ATN1: variants seen among roughly 807,000 people sequenced by gnomAD.
ATN1 encodes atrophin-1.
A neutral mutation model predicts 85.8 loss-of-function variants in ATN1; 19 were observed. The observed-to-expected ratio is 0.22, with a 90% CI of 0.15 to 0.32. The LOEUF is 0.32. Among genes scored for constraint, ATN1 ranks in the 10% least tolerant of loss-of-function variants. The probability of loss-of-function intolerance (pLI) is 1.00; values close to 1 mark genes in which losing one functional copy is unlikely to be tolerated. For missense variants in ATN1, 1,453 were observed against 1,564.5 expected (o/e 0.93, Z 1.20); for synonymous variants, 674 against 657.0 (o/e 1.03, Z -0.39).
chr12:6,934,217 C>T lies in ATN1; in HGVS notation c.69C>T (p.Pro23=), dbSNP rs1555143310. ...RSGRKKEAPG[P]REELRSRGRA... The stretch of plus-strand genomic sequence containing the variant: ...GACGGAAGAAAGAGGCCCCTGGGCC[C>T]CGGGAAGAACTGAGATCGAGGGGCC... The change falls in exon 3 of 10, where the codon CCC becomes CCT. Residue 23 remains proline, a synonymous_variant. Transcript: ENST00000396684. This position sits in a 1 kb window ranked among gnomAD's most constrained non-coding sequence, Gnocchi z 4.5. 1.9e-6 allele frequency: 3 copies of T among 1,594,900 alleles called. No homozygotes were observed. In the Admixed American group the frequency reaches 5.7e-5, roughly 30 times the overall value.
chr12:6,935,988 G>T lies in ATN1; in HGVS notation c.721G>T (p.Ala241Ser). The T allele has an allele frequency of 6.3e-7, 1 of 1,587,594 alleles. No individual in the cohort carries two copies. The highest frequency in any genetic ancestry group is 1.8e-5 in the Admixed American group (1 of 56,608). ...PPMGPKGGGA[A>S]SSVGGPNGGK... is the part of the protein sequence containing the mutation. Reference sequence around the variant, plus strand: ...AATGGGTCCCAAGGGGGGAGGGGCTGCCTCATCAGTGGGGGGCCCTAATGG... The same window carrying T: ...AATGGGTCCCAAGGGGGGAGGGGCTTCCTCATCAGTGGGGGGCCCTAATGG... The change falls in exon 5 of 10, where the codon GCC becomes TCC. Residue 241 changes from alanine to serine, a missense_variant. Coordinates refer to ENST00000396684, the MANE Select transcript of ATN1 (RefSeq NM_001940.4). The surrounding 1 kb of genome is among the most constrained non-coding windows in gnomAD (Gnocchi z 5.3).
chr12:6,935,773 C>T lies in ATN1; in HGVS notation c.506C>T (p.Pro169Leu), dbSNP rs961812100. The change falls in exon 5 of 10, where the codon CCT (proline) becomes CTT (leucine). Residue 169 changes from proline (P) to leucine (L), a missense_variant. This residue lies in a region of ATN1 where 990 missense variants were observed against 914.8 expected (regional missense o/e 1.08). Transcript: ENST00000396684. The surrounding 1 kb of genome is among the most constrained non-coding windows in gnomAD (Gnocchi z 5.3). The part of the protein sequence containing the change: ...YHPPPLFPPS[P>L]QPPDSTPRQP... The stretch of plus-strand genomic sequence containing the variant: ...CCACCTCCACTCTTTCCTCCTTCCC[C>T]TCAACCGCCAGACAGCACCCCTCGA... 6.2e-7 allele frequency: 1 copy of T among 1,613,818 alleles called. No individual in the cohort carries two copies. Among genetic ancestry groups the T allele is most frequent in the Admixed American group, 1.7e-5 (1 of 59,992 alleles).
intron 6 of ATN1, 110 bp downstream of exon 6, chr12:6,938,177 A>C: frequency 6.9e-7 from 1 of 1,439,958 alleles, no homozygotes; most frequent in Non-Finnish European, 9.1e-7. Flanking sequence ...TGGGCGGGCG[A>C]GTCACGTCGC....
upstream of ATN1, among the ~76,000 whole-genome samples, chr12:6,927,773 T>C (rs1168785863): frequency 2.0e-5 from 3 of 148,642 alleles, no homozygotes; most frequent in Non-Finnish European, 4.5e-5. Flanking sequence ...CCCATCCCCC[T>C]CTCCCAGGCT....
intron 1 of ATN1, among the ~76,000 whole-genome samples, chr12:6,932,054 A>G (rs1945473464): frequency 1.3e-5 from 2 of 151,366 alleles, no homozygotes; most frequent in Non-Finnish European, 2.9e-5. Flanking sequence ...AAAAAAAAAA[A>G]AAAAAAAGAC....
At chr12:6,930,612 G>A (rs938159155) in intron 1 of ATN1, among the ~76,000 whole-genome samples, 4 of 152,028 alleles carry the variant, frequency 2.6e-5, no homozygotes, top group Admixed American at 6.6e-5. Context: ...TGGCTAACAC[G>A]GTGAAACCCC....
intron 7 of ATN1, 150 bp downstream of exon 7, chr12:6,939,327 G>C: frequency 1.7e-6 from 2 of 1,196,840 alleles, no homozygotes; most frequent in Non-Finnish European, 2.3e-6. Flanking sequence ...CCTCCCTGAC[G>C]TTCTCTCAGC....
Position 6,935,500 on chromosome 12 carries a change from G to T in ATN1, c.280-47G>T. ...ATGCAAGAGAGCCCCAAATCTCAGGGAAGCAGGAAAGGAAAAGAGAAAAAA... is the reference window on the plus strand; with the variant it reads ...ATGCAAGAGAGCCCCAAATCTCAGGTAAGCAGGAAAGGAAAAGAGAAAAAA... On this transcript the variant is annotated intron_variant, in intron 4 of 9. Coordinates refer to ENST00000396684, the MANE Select transcript of ATN1 (RefSeq NM_001940.4). The surrounding 1 kb of genome is among the most constrained non-coding windows in gnomAD (Gnocchi z 5.3). 1 of 1,583,730 alleles carries T rather than the reference G, an allele frequency of 6.3e-7. No homozygotes were observed. Among genetic ancestry groups the T allele is most frequent in the Non-Finnish European group, 8.6e-7 (1 of 1,164,570 alleles).
At chr12:6,940,834 C>T (rs1555144522) in intron 7 of ATN1, 46 bp from the exon 8 acceptor site, 1 of 1,613,292 alleles carries the variant, frequency 6.2e-7, no homozygotes, top group Admixed American at 1.7e-5. Flanking sequence ...CATGGTTTGC[C>T]CCAAACCTGC....
At chr12:6,938,425 C>A (rs1242499642) in intron 6 of ATN1, 56 bp from the exon 7 acceptor site, 14 of 1,535,636 alleles carry the variant, frequency 9.1e-6, no homozygotes, top group South Asian at 1.2e-5. Flanking sequence ...AGCTTAAAAC[C>A]AGCCACCTCT....
At chr12:6,933,566 A>G (rs1183586207) in intron 1 of ATN1, among the ~76,000 whole-genome samples, 1 of 152,214 alleles carries the variant, frequency 6.6e-6, no homozygotes, top group Non-Finnish European at 1.5e-5. Flanking sequence ...CATGAAGGGT[A>G]AACTGTGTGA....
At position 6,937,988 on chromosome 12, in the gene ATN1, A is replaced by C. The variant is rs1555144108; in HGVS notation, c.2438A>C (p.Glu813Ala). 1.3e-6 allele frequency: 2 copies of C among 1,549,848 alleles called. No homozygotes were observed. The highest frequency in any genetic ancestry group is 1.7e-6 in the Non-Finnish European group (2 of 1,146,794). Residue 813 changes from glutamate to alanine, a missense_variant, in exon 6 of 10, where the codon GAA becomes GCA. Glu to Ala is a moderately radical substitution (Grantham distance 107). This residue lies in a region of ATN1 where 990 missense variants were observed against 914.8 expected (regional missense o/e 1.08). Transcript: ENST00000396684. This position sits in a 1 kb window ranked among gnomAD's most constrained non-coding sequence, Gnocchi z 6.0. ...CGCGAGGCCGAGCAGCGCGCGCGCG[A>C]AGAAAAGGAGCGCGAGCGCGAGCGG... ...VRREAEQRAR[E>A]EKERERERER...
Position 6,934,532 on chromosome 12 carries a change from A to G in ATN1, c.233A>G (p.Glu78Gly). 1 of 1,579,358 alleles carries G rather than the reference A, an allele frequency of 6.3e-7. No homozygotes were observed. The highest frequency in any genetic ancestry group is 8.6e-7 in the Non-Finnish European group (1 of 1,161,922). Residue 78 changes from glutamate to glycine, a missense_variant, in exon 4 of 10, where the codon GAG becomes GGG. Glu to Gly is a moderately conservative substitution (Grantham distance 98). This residue lies in a region of ATN1 where 130 missense variants were observed against 158.2 expected (regional missense o/e 0.82). Coordinates refer to ENST00000396684, the MANE Select transcript of ATN1 (RefSeq NM_001940.4). The surrounding 1 kb of genome is among the most constrained non-coding windows in gnomAD (Gnocchi z 4.5). ...NKQGRSEEIS[E>G]SESEETNAPK... is the part of the protein sequence containing the mutation. ...CAGGGTCGGAGTGAGGAGATCTCAGAGAGTGAAAGTGAGGAGACCAATGCA... is the reference window on the plus strand; with the variant it reads ...CAGGGTCGGAGTGAGGAGATCTCAGGGAGTGAAAGTGAGGAGACCAATGCA...
rs1555144033 is a variant in ATN1, at chr12:6,937,580, C to A, written c.2294+19C>A. 3 of 1,476,852 alleles carry A rather than the reference C, an allele frequency of 2.0e-6. No homozygotes were observed. The South Asian group carries it at 4.0e-5, about 20-fold the overall frequency. 91.5% of individuals were successfully genotyped at this position (1,476,852 alleles called of 1,614,324 possible). On this transcript the variant is annotated intron_variant, in intron 5 of 9. Coordinates refer to ENST00000396684, the MANE Select transcript of ATN1 (RefSeq NM_001940.4). This position sits in a 1 kb window ranked among gnomAD's most constrained non-coding sequence, Gnocchi z 6.0. The stretch of plus-strand genomic sequence containing the variant: ...CTGCCAGGTGAGCGGCCAGGTGGGG[C>A]GGAGGTGGGCCTGGAAAGGGGACGA...
intron 7 of ATN1, among the ~76,000 whole-genome samples, chr12:6,939,898 T>C (rs782529574): frequency 6.6e-6 from 1 of 152,384 alleles, no homozygotes; most frequent in Non-Finnish European, 1.5e-5. Context: ...TTTCCCCATC[T>C]CTAGATCTGT....
Position 6,933,975 on chromosome 12 carries a change from G to C in ATN1, c.-27G>C, listed in dbSNP as rs782637179. On this transcript the variant is annotated 5_prime_UTR_variant, in exon 2 of 10. Coordinates refer to ENST00000396684, the MANE Select transcript of ATN1 (RefSeq NM_001940.4). ...TCTGTATTCAGCTGCCCAGGCAGAG[G>C]AGAATGGGGTCTCCACAGCCTGAAG... 42 of 1,597,182 alleles carry C rather than the reference G, an allele frequency of 2.6e-5. No homozygotes were observed. In the East Asian group the frequency reaches 9.4e-4, roughly 36 times the overall value.
At position 6,934,331 on chromosome 12, in the gene ATN1, C is replaced by A; in HGVS notation, c.165+18C>A. On this transcript the variant is annotated intron_variant, in intron 3 of 9. Transcript: ENST00000396684. The surrounding 1 kb of genome is among the most constrained non-coding windows in gnomAD (Gnocchi z 4.5). ...CAGCCAAGGTATTCTGTCCTCAGGT[C>A]CTCCCACAGGATGCCCAAGGCACTG... The A allele has an allele frequency of 6.4e-7, 1 of 1,569,996 alleles. No homozygotes were observed. The highest frequency in any genetic ancestry group is 8.6e-7 in the Non-Finnish European group (1 of 1,162,294).
rs782708958 is a variant in ATN1 at position 6,935,605 on chromosome 12, TTAA to T, written c.340_342del (p.Asn114del). 103 of 1,613,818 alleles carry T rather than the reference TTAA, an allele frequency of 6.4e-5. No individual in the cohort carries two copies. Among genetic ancestry groups the T allele is most frequent in the Non-Finnish European group, 8.2e-5 (97 of 1,179,886 alleles). On this transcript the variant is annotated inframe_deletion, in exon 5 of 10. Coordinates refer to ENST00000396684, the MANE Select transcript of ATN1 (RefSeq NM_001940.4). The surrounding 1 kb of genome is among the most constrained non-coding windows in gnomAD (Gnocchi z 5.3). Reference sequence around the variant, plus strand: ...CTGGATAGCTTGGACGGGCGGAGCCTTAATGATGATGGCAGCAGCGACCCTAGG... The same window carrying T: ...CTGGATAGCTTGGACGGGCGGAGCCTTGATGATGGCAGCAGCGACCCTAGG...
At chr12:6,929,453 G>A (rs1229535688) in intron 1 of ATN1, among the ~76,000 whole-genome samples, 2 of 152,138 alleles carry the variant, frequency 1.3e-5, no homozygotes, top group Non-Finnish European at 2.9e-5. Context: ...CTGGGGTAGG[G>A]GGTAGCTGCC....
Sources: gnomAD v4.1 joint callset for allele counts (sites outside exome capture counted in the v4.1 genomes callset) on GRCh38, gnomAD v4.1.1 for gene constraint, gnomAD v4.1.1 regional missense constraint, Gnocchi (gnomAD v3.1) non-coding constraint, MANE v1.5 for transcripts, NCBI Gene and HGNC (gene_info 2026-07-23, HGNC 2026-07-21) for gene names.